Variants in SDC2 observed in about 807,000 individuals in gnomAD.
The protein encoded by SDC2 is syndecan-2.
SDC2 carries 13 observed loss-of-function variants against 22.2 expected under a neutral mutation model. That is an observed-to-expected ratio of 0.59 (90% CI 0.38 to 0.93). The LOEUF is 0.93. Among genes scored for constraint, SDC2 ranks in the 40% least tolerant of loss-of-function variants. The pLI is 0.00. For missense variants in SDC2, 235 were observed against 246.8 expected (o/e 0.95, Z 0.32); for synonymous variants, 94 against 92.8 (o/e 1.01, Z -0.07).
At chr8:96,541,456 G>A (rs1451389822) in intron 1 of SDC2, among the ~76,000 whole-genome samples, 2 of 143,458 alleles carry the variant, frequency 1.4e-5, no homozygotes, top group African/African-American at 2.6e-5. Context: ...GCAGTGAGCC[G>A]AGATCGCACC....
At chr8:96,580,755 A>G (rs149158432) in intron 1 of SDC2, among the ~76,000 whole-genome samples, 1 of 152,318 alleles carries the variant, frequency 6.6e-6, no homozygotes, top group East Asian at 1.9e-4. Flanking sequence ...CTTTCATTCT[A>G]AAAGAGGGAG....
intron 1 of SDC2, among the ~76,000 whole-genome samples, chr8:96,559,434 A>G (rs554172919): frequency 1.3e-5 from 2 of 152,316 alleles, no homozygotes; most frequent in South Asian, 4.1e-4. Context: ...GATTTACTAA[A>G]GTAAGTAGTA....
At chr8:96,605,161 T>C (rs919481709) in intron 3 of SDC2, among the ~76,000 whole-genome samples, 2 of 152,228 alleles carry the variant, frequency 1.3e-5, no homozygotes, top group African/African-American at 4.8e-5. Flanking sequence ...TGAAACCATA[T>C]GATTTGTAAT....
chr8:96,538,413 A>T (rs548969459), intron 1 of SDC2, among the ~76,000 whole-genome samples: 182 of 150,740 alleles, frequency 1.2e-3, no homozygotes, highest in African/African-American at 4.1e-3. Flanking sequence ...GATAAAAAAA[A>T]GTTATACTGT....
chr8:96,564,349 CT>C (rs1347744096), intron 1 of SDC2, among the ~76,000 whole-genome samples: 1 of 152,212 alleles, frequency 6.6e-6, no homozygotes, highest in African/African-American at 2.4e-5. Context: ...GTACTTTCAA[CT>C]TTGCAGGGGG....
rs1815160500 is a variant in SDC2 at position 96,610,678 on chromosome 8, A to G, written c.*1130A>G. 2.0e-5 allele frequency: 3 copies of G among 152,596 alleles called. No homozygotes were observed. The highest frequency in any genetic ancestry group is 4.4e-5 in the Non-Finnish European group (3 of 68,030). 9.5% of individuals were successfully genotyped at this position (152,596 alleles called of 1,614,324 possible). A position where few individuals can be genotyped will look rare whatever the true frequency, so the allele number is the denominator to read the frequency against. Reference sequence around the variant, plus strand: ...TATAAATTTTGTACATTTTTGATCAAATGTACATCTCCCCTTTGCTAACGG... The same window carrying G: ...TATAAATTTTGTACATTTTTGATCAGATGTACATCTCCCCTTTGCTAACGG... On this transcript the variant is annotated 3_prime_UTR_variant, in exon 5 of 5. Transcript: ENST00000302190.
intron 1 of SDC2, among the ~76,000 whole-genome samples, chr8:96,539,303 A>C (rs1332741318): frequency 1.3e-5 from 2 of 152,188 alleles, no homozygotes; most frequent in African/African-American, 4.8e-5. Flanking sequence ...TGTGAATGAG[A>C]TGATATAAAA....
intron 1 of SDC2, among the ~76,000 whole-genome samples, chr8:96,565,885 A>G (rs2016529): frequency 0.64 from 96,577 of 151,966 alleles, 34,129 homozygotes; most frequent in Non-Finnish European, 0.81. Flanking sequence ...GCCAGTTGAC[A>G]TAGCTGCCTT....
At chr8:96,607,363 A>G (rs1815098879) in intron 3 of SDC2, among the ~76,000 whole-genome samples, 1 of 152,146 alleles carries the variant, frequency 6.6e-6, no homozygotes, top group South Asian at 2.1e-4. Context: ...TGAGAACCCA[A>G]GGGAAGAAGT....
intron 1 of SDC2, among the ~76,000 whole-genome samples, chr8:96,536,857 G>C (rs1435047353): frequency 1.3e-5 from 2 of 152,194 alleles, no homozygotes; most frequent in East Asian, 3.9e-4. Context: ...TGGAGACTCA[G>C]TCTGCTGTTG....
intron 1 of SDC2, among the ~76,000 whole-genome samples, chr8:96,494,756 G>T (rs2575704): frequency 0.061 from 9,213 of 152,216 alleles, 369 homozygotes; most frequent in Middle Eastern, 0.18. Flanking sequence ...GAAACTTCGG[G>T]GTCCCTTCCT....
chr8:96,543,753 AT>A (rs1813888706), intron 1 of SDC2, among the ~76,000 whole-genome samples: 1 of 152,228 alleles, frequency 6.6e-6, no homozygotes, highest in African/African-American at 2.4e-5. Flanking sequence ...TGGGGAAGCC[AT>A]CATATTTGAG....
intron 1 of SDC2, among the ~76,000 whole-genome samples, chr8:96,552,947 A>C (rs1305763276): frequency 6.6e-6 from 1 of 152,204 alleles, no homozygotes; most frequent in Middle Eastern, 3.2e-3. Flanking sequence ...AATGAAAAAG[A>C]ATTGTAGGTA....
In SDC2 at chr8:96,600,257, C is replaced by A. The variant is rs184185253; in HGVS notation, c.173-2138C>A. On this transcript the variant is annotated intron_variant, in intron 2 of 4. Transcript: ENST00000302190. ...CGATTCTGTGGAAAATACCCATTTT[C>A]TTTTGTTTGAGGAATTTAGAGGTAT... 3.9e-5 allele frequency among the ~76,000 whole-genome samples: 6 copies of A among 152,268 alleles called. No homozygotes were observed. In the East Asian group the frequency reaches 7.7e-4, roughly 20 times the overall value.
Position 96,608,502 on chromosome 8 carries a change from G to T in SDC2, c.442+32G>T, listed in dbSNP as rs374457535. ...AGCCTGGTGGGCCTCAGGTGGGAGG[G>T]TGCCTACATAGGCCTCTGTTAGTCT... On this transcript the variant is annotated intron_variant, in intron 4 of 4. Coordinates refer to ENST00000302190, the MANE Select transcript of SDC2 (RefSeq NM_002998.4). 7 of 1,593,330 alleles carry T rather than the reference G, an allele frequency of 4.4e-6. No individual in the cohort carries two copies. The East Asian group carries it at 1.6e-4, about 36-fold the overall frequency.
intron 1 of SDC2, among the ~76,000 whole-genome samples, chr8:96,534,124 C>T (rs907628480): frequency 6.6e-6 from 1 of 152,236 alleles, no homozygotes. Flanking sequence ...GCCGAGCCCA[C>T]GCCCACCTGG....
chr8:96,600,198 T>C (rs1440657547), intron 2 of SDC2, among the ~76,000 whole-genome samples: 1 of 152,150 alleles, frequency 6.6e-6, no homozygotes, highest in Non-Finnish European at 1.5e-5. Flanking sequence ...GTTTCCAGCA[T>C]GTGTTGCTTT....
chr8:96,527,702 G>C (rs1442395930), intron 1 of SDC2, among the ~76,000 whole-genome samples: 1 of 152,156 alleles, frequency 6.6e-6, no homozygotes, highest in African/African-American at 2.4e-5. Flanking sequence ...AACATATTTG[G>C]GATGGATCTG....
Position 96,608,436 on chromosome 8 carries a change from A to G in SDC2, c.408A>G (p.Ser136=). 6.2e-7 allele frequency: 1 copy of G among 1,613,544 alleles called. No individual in the cohort carries two copies. Among genetic ancestry groups the G allele is most frequent in the South Asian group, 1.1e-5 (1 of 90,852 alleles). ...CAAATGTGTATACTGAGAAACACTC[A>G]GACAGTCTGTTTAAACGGACAGAAG... ...EDTNVYTEKH[S]DSLFKRTEVL... The change falls in exon 4 of 5, where the codon TCA becomes TCG. Residue 136 remains serine (S), a synonymous_variant. Coordinates refer to ENST00000302190, the MANE Select transcript of SDC2 (RefSeq NM_002998.4).
Sources: allele counts gnomAD v4.1 joint callset (sites outside exome capture counted in the v4.1 genomes callset), GRCh38; gene constraint gnomAD v4.1.1; transcripts MANE v1.5; gene names NCBI Gene and HGNC (gene_info 2026-07-23, HGNC 2026-07-21).